The following KCNQ1OT1 variants were observed in gnomAD, a reference collection of about 807,000 sequenced individuals.
The protein encoded by KCNQ1OT1 is KCNQ1 antisense RNA 2 (non-protein coding).
exon 1 of KCNQ1OT1, chr11:2,665,446 G>C: frequency 2.5e-6 from 1 of 397,210 alleles, no homozygotes. Context: ...GCTCACCAAG[G>C]GTCACTGGCA....
At chr11:2,667,050 A>T (rs1378550276) in exon 1 of KCNQ1OT1, 2 of 398,564 alleles carry the variant, frequency 5.0e-6, no homozygotes. Context: ...GCCAGGCTCA[A>T]ACCCGTCTCT....
chr11:2,668,293 T>A lies in KCNQ1OT1; in HGVS notation n.31702A>T, dbSNP rs570633262. 10 of 398,538 alleles carry A rather than the reference T, an allele frequency of 2.5e-5. No individual in the cohort carries two copies. Among genetic ancestry groups the A allele is most frequent in the Non-Finnish European group, 4.4e-5 (10 of 226,096 alleles). The allele number at this position is 398,538 out of a possible 1,614,324, so 24.7% of individuals were successfully genotyped here. A position where few individuals can be genotyped will look rare whatever the true frequency, so the allele number is the denominator to read the frequency against. On this transcript the variant is annotated non_coding_transcript_exon_variant, in exon 1 of 1. Transcript: ENST00000597346. This position sits in a 1 kb window ranked among gnomAD's most constrained non-coding sequence, Gnocchi z 4.3. ...ATTCTGTACATGCTTTTGGTGAGCA[T>A]CAGGTTGCGTTTCTGGGGAATATAT...
At chr11:2,631,775 G>T in exon 1 of KCNQ1OT1, 2 of 398,676 alleles carry the variant, frequency 5.0e-6, no homozygotes, top group Non-Finnish European at 8.8e-6. Flanking sequence ...GAGGTCAGCA[G>T]TGGCAAACAT....
In KCNQ1OT1 at chr11:2,621,135, A is replaced by G. The variant is rs1020848498; in HGVS notation, n.78860T>C. 27 of 396,114 alleles carry G rather than the reference A, an allele frequency of 6.8e-5. No individual in the cohort carries two copies. The highest frequency in any genetic ancestry group is 4.3e-4 in the South Asian group (3 of 6,992). 24.5% of individuals were successfully genotyped at this position (396,114 alleles called of 1,614,324 possible). On this transcript the variant is annotated non_coding_transcript_exon_variant, in exon 1 of 1. Transcript: ENST00000597346. This position sits in a 1 kb window ranked among gnomAD's most constrained non-coding sequence, Gnocchi z 5.7. Reference sequence around the variant, plus strand: ...TGGGATTACAGGTGACCGCCACCATACCTGGCTAATTTTTGTGTTTTTAGT... The same window carrying G: ...TGGGATTACAGGTGACCGCCACCATGCCTGGCTAATTTTTGTGTTTTTAGT...
chr11:2,644,744 G>A, exon 1 of KCNQ1OT1: 1 of 398,606 alleles, frequency 2.5e-6, no homozygotes, highest in Non-Finnish European at 4.4e-6. Context: ...TGTTCTTTGG[G>A]CAGGGCACTT....
At chr11:2,630,801 C>T in exon 1 of KCNQ1OT1, 2 of 398,358 alleles carry the variant, frequency 5.0e-6, no homozygotes, top group Non-Finnish European at 8.9e-6. Context: ...TTTTGTTTAC[C>T]TGAGGAAGTC....
exon 1 of KCNQ1OT1, chr11:2,666,444 A>G (rs548070735): frequency 3.8e-5 from 15 of 398,560 alleles, no homozygotes; most frequent in Admixed American, 2.6e-4. Flanking sequence ...CATGTCTTCA[A>G]CTTTCTCCTG....
At chr11:2,618,283 C>T (rs866957602) in exon 1 of KCNQ1OT1, 9 of 398,390 alleles carry the variant, frequency 2.3e-5, no homozygotes, top group Admixed American at 4.4e-5. Flanking sequence ...ATAAAATACA[C>T]TAACAATAAC....
exon 1 of KCNQ1OT1, chr11:2,629,748 G>A (rs1037244002): frequency 1.8e-5 from 7 of 398,284 alleles, no homozygotes; most frequent in East Asian, 7.1e-5. Context: ...GTATAGATAC[G>A]CAAATGACTT....
At position 2,624,684 on chromosome 11, in the gene KCNQ1OT1, A is replaced by G. The variant is rs1414985939; in HGVS notation, n.75311T>C. 5.0e-6 allele frequency: 2 copies of G among 398,452 alleles called. No homozygotes were observed. The highest frequency in any genetic ancestry group is 8.8e-6 in the Non-Finnish European group (2 of 226,044). 24.7% of individuals were successfully genotyped at this position (398,452 alleles called of 1,614,324 possible). A position where few individuals can be genotyped will look rare whatever the true frequency, so the allele number is the denominator to read the frequency against. ...GCAATCATCACTATCATCCATCTCC[A>G]TAACACTTGTCATTTGTAATTATGA... On this transcript the variant is annotated non_coding_transcript_exon_variant, in exon 1 of 1. Coordinates refer to ENST00000597346, the Ensembl canonical transcript of KCNQ1OT1. This position sits in a 1 kb window ranked among gnomAD's most constrained non-coding sequence, Gnocchi z 4.9.
In KCNQ1OT1 at chr11:2,611,179, A is replaced by G. The variant is rs1480971891; in HGVS notation, n.88816T>C. ...TAAAATGCTTCTCAGTATCTCTAAT[A>G]ACATGGTTTGTTTTTAAAGTCTATT... On this transcript the variant is annotated non_coding_transcript_exon_variant, in exon 1 of 1. Transcript: ENST00000597346. This position sits in a 1 kb window ranked among gnomAD's most constrained non-coding sequence, Gnocchi z 5.3. 1 of 398,342 alleles carries G rather than the reference A, an allele frequency of 2.5e-6. No homozygotes were observed. The highest frequency in any genetic ancestry group is 4.4e-6 in the Non-Finnish European group (1 of 226,034). 24.7% of individuals were successfully genotyped at this position (398,342 alleles called of 1,614,324 possible).
At position 2,613,680 on chromosome 11, in the gene KCNQ1OT1, C is replaced by G; in HGVS notation, n.86315G>C. 2.5e-6 allele frequency: 1 copy of G among 398,380 alleles called. No homozygotes were observed. Among genetic ancestry groups the G allele is most frequent in the Admixed American group, 4.4e-5 (1 of 22,714 alleles). 24.7% of individuals were successfully genotyped at this position (398,380 alleles called of 1,614,324 possible). A position where few individuals can be genotyped will look rare whatever the true frequency, so the allele number is the denominator to read the frequency against. ...TCATTCCACCACCTCAGAAGTGGTC[C>G]CTATCTTGTTAATTTTATTTTTTGA... On this transcript the variant is annotated non_coding_transcript_exon_variant, in exon 1 of 1. Coordinates refer to ENST00000597346, the Ensembl canonical transcript of KCNQ1OT1. The surrounding 1 kb of genome is among the most constrained non-coding windows in gnomAD (Gnocchi z 4.8).
chr11:2,699,496 CCGCGCTGAGGAGCCCCCAGGAGAG>C (rs1850738603), exon 1 of KCNQ1OT1: 1 of 180,142 alleles, frequency 5.6e-6, no homozygotes, highest in African/African-American at 4.4e-5. Flanking sequence ...GGGGAGAGTG[CCGCGCTGAGGAGCCCCCAGGAGAG>C]TGCCGCGCTG....
exon 1 of KCNQ1OT1, chr11:2,688,614 T>C (rs371119085): frequency 1.0e-5 from 4 of 398,750 alleles, no homozygotes; most frequent in South Asian, 1.3e-4. Flanking sequence ...CATCTTGTGC[T>C]GTGCCTGGGT....
rs762867877 is a variant in KCNQ1OT1 at position 2,687,946 on chromosome 11, G to A, written n.12049C>T. ...TGAGGCTGCACTTCTCCCACCCGCT[G>A]TGGGTCAGCCAGGCCGCTGCTTCCT... is the stretch of plus-strand genomic sequence containing the variant. On this transcript the variant is annotated non_coding_transcript_exon_variant, in exon 1 of 1. Transcript: ENST00000597346. The surrounding 1 kb of genome is among the most constrained non-coding windows in gnomAD (Gnocchi z 5.0). The A allele has an allele frequency of 7.7e-4, 306 of 398,700 alleles. 2 individuals carry two copies. Among genetic ancestry groups the A allele is most frequent in the Non-Finnish European group, 1.2e-3 (264 of 226,200 alleles). 24.7% of individuals were successfully genotyped at this position (398,700 alleles called of 1,614,324 possible).
chr11:2,687,834 C>A lies in KCNQ1OT1; in HGVS notation n.12161G>T. 1 of 398,758 alleles carries A rather than the reference C, an allele frequency of 2.5e-6. No homozygotes were observed. The allele number at this position is 398,758 out of a possible 1,614,324, so 24.7% of individuals were successfully genotyped here. On this transcript the variant is annotated non_coding_transcript_exon_variant, in exon 1 of 1. Coordinates refer to ENST00000597346, the Ensembl canonical transcript of KCNQ1OT1. This position sits in a 1 kb window ranked among gnomAD's most constrained non-coding sequence, Gnocchi z 5.0. The stretch of plus-strand genomic sequence containing the variant: ...CTCCTCTGCCCCAACTGGCTCCAGG[C>A]CAAACTCTGGTTCCTGAGGAGCCTC...
exon 1 of KCNQ1OT1, chr11:2,628,305 T>C (rs886996887): frequency 1.0e-5 from 4 of 398,462 alleles, no homozygotes; most frequent in Middle Eastern, 6.2e-4. Flanking sequence ...CTTGCTATCT[T>C]TTGACTTTTT....
chr11:2,681,506 C>A, exon 1 of KCNQ1OT1: 1 of 398,490 alleles, frequency 2.5e-6, no homozygotes, highest in East Asian at 3.6e-5. Flanking sequence ...TAAAGTCAAA[C>A]TGGTCCAGGT....
At chr11:2,633,562 A>G (rs1331967557) in exon 1 of KCNQ1OT1, 3 of 398,468 alleles carry the variant, frequency 7.5e-6, no homozygotes, top group Non-Finnish European at 1.3e-5. Context: ...GAGAGATAGT[A>G]TAGTTTCATT....
Sources: allele counts gnomAD v4.1 joint callset, GRCh38; gene constraint gnomAD v4.1.1; non-coding constraint Gnocchi (gnomAD v3.1); transcripts MANE v1.5; gene names NCBI Gene and HGNC (gene_info 2026-07-23, HGNC 2026-07-21).